The following CPSF2 variants were observed in gnomAD, a reference collection of about 807,000 sequenced individuals.
The protein encoded by CPSF2 is cleavage and polyadenylation specificity factor subunit 2.
CPSF2 carries 51 observed loss-of-function variants against 84.2 expected under a neutral mutation model. The ratio of observed to expected loss-of-function variants is 0.61; its 90% CI spans 0.48 to 0.77. The LOEUF is 0.77. CPSF2 is among the 30% of genes least tolerant of loss of function. CPSF2 has a pLI of 0.00. For synonymous variants in CPSF2, 286 were observed against 311.9 expected (o/e 0.92, Z 0.87); for missense variants, 641 against 929.4 (o/e 0.69, Z 4.03).
chr14:92,137,642 C>G (rs1465865792), intron 6 of CPSF2, among the ~76,000 whole-genome samples: 1 of 152,170 alleles, frequency 6.6e-6, no homozygotes, highest in Non-Finnish European at 1.5e-5. Flanking sequence ...ACAGTAAATA[C>G]ATTTTTAGGA....
chr14:92,126,242 T>A (rs760488888), intron 2 of CPSF2, 62 bp downstream of exon 2: 1 of 152,238 alleles, frequency 6.6e-6, no homozygotes, highest in Non-Finnish European at 1.5e-5. Flanking sequence ...TGAAAATATC[T>A]TTTCATCTGT....
rs375915984 is a variant in CPSF2 at position 92,161,775 on chromosome 14, C to T, written c.*31C>T. ...ATGATGTCAAGAAGTATCTGCTTGA[C>T]CTTTCTAAGAAAAAGGGATTCTTAT... On this transcript the variant is annotated 3_prime_UTR_variant, in exon 16 of 16. Transcript: ENST00000298875. 31 of 1,260,684 alleles carry T rather than the reference C, an allele frequency of 2.5e-5. No individual in the cohort carries two copies. Among genetic ancestry groups the T allele is most frequent in the Non-Finnish European group, 3.4e-5 (31 of 904,656 alleles). 78.1% of individuals were successfully genotyped at this position (1,260,684 alleles called of 1,614,324 possible).
At chr14:92,148,826 TG>T (rs2069175981) in intron 9 of CPSF2, among the ~76,000 whole-genome samples, 1 of 150,864 alleles carries the variant, frequency 6.6e-6, no homozygotes, top group Non-Finnish European at 1.5e-5. Flanking sequence ...GAGAGAGAGA[TG>T]GGACCAAATT....
At chr14:92,151,271 G>A (rs1010533265) in intron 9 of CPSF2, among the ~76,000 whole-genome samples, 2 of 151,978 alleles carry the variant, frequency 1.3e-5, no homozygotes, top group African/African-American at 2.4e-5. Flanking sequence ...CACATCTGTG[G>A]TCGCAGCTAT....
chr14:92,170,727 G>T lies in CPSF2; in HGVS notation c.*8983G>T, dbSNP rs527870191. On this transcript the variant is annotated 3_prime_UTR_variant, in exon 16 of 16. Coordinates refer to ENST00000298875, the MANE Select transcript of CPSF2 (RefSeq NM_017437.3). ...TTGGGTTTGTCTGATATTTCCTCAAGATTAGATTCAGGTTGTGAATTTTTG... is the reference window on the plus strand; with the variant it reads ...TTGGGTTTGTCTGATATTTCCTCAATATTAGATTCAGGTTGTGAATTTTTG... 6.6e-6 allele frequency: 1 copy of T among 152,176 alleles called. No homozygotes were observed. Among genetic ancestry groups the T allele is most frequent in the South Asian group, 2.1e-4 (1 of 4,826 alleles). The allele number at this position is 152,176 out of a possible 1,614,324, so 9.4% of individuals were successfully genotyped here.
chr14:92,156,425 T>C, intron 11 of CPSF2, 54 bp from the exon 12 acceptor site: 2 of 1,469,970 alleles, frequency 1.4e-6, no homozygotes, highest in South Asian at 2.5e-5. Context: ...GTCATATATG[T>C]TATGTAGTAT....
At chr14:92,153,865 GCTTTT>G (rs2069253362) in intron 9 of CPSF2, among the ~76,000 whole-genome samples, 1 of 142,714 alleles carries the variant, frequency 7.0e-6, no homozygotes, top group Non-Finnish European at 1.5e-5. Flanking sequence ...ACCACTCCTG[GCTTTT>G]TTTTTTTTTT....
intron 9 of CPSF2, among the ~76,000 whole-genome samples, chr14:92,148,589 A>G (rs2069172037): frequency 1.3e-5 from 2 of 151,636 alleles, no homozygotes; most frequent in African/African-American, 4.8e-5. Context: ...TTTTTGAAGC[A>G]TATATATTCT....
At chr14:92,151,731 G>T (rs531172519) in intron 9 of CPSF2, among the ~76,000 whole-genome samples, 1 of 152,074 alleles carries the variant, frequency 6.6e-6, no homozygotes, top group African/African-American at 2.4e-5. Context: ...AAAGAGATTT[G>T]CAAAAATATA....
intron 9 of CPSF2, among the ~76,000 whole-genome samples, chr14:92,147,121 G>A (rs2069153929): frequency 6.6e-6 from 1 of 152,098 alleles, no homozygotes; most frequent in African/African-American, 2.4e-5. Context: ...ATGAGAAAAA[G>A]GCCCTTGTTT....
intron 9 of CPSF2, among the ~76,000 whole-genome samples, chr14:92,146,980 G>A (rs570958645): frequency 6.6e-6 from 1 of 152,098 alleles, no homozygotes; most frequent in East Asian, 2.0e-4. Context: ...TTTGACTACA[G>A]ATTTAAAATA....
chr14:92,131,154 C>T (rs757138374), intron 3 of CPSF2, 21 bp downstream of exon 3: 1 of 1,568,126 alleles, frequency 6.4e-7, no homozygotes, highest in South Asian at 1.2e-5. Flanking sequence ...TTTCATAATT[C>T]TATGTTTTTA....
chr14:92,165,844 G>A lies in CPSF2; in HGVS notation c.*4100G>A, dbSNP rs2069437595. ...TTTTTCCCTTCAGTTCTTTGTGCTTGGTTTTATATCTTTTTTTTTTTTTTT... is the reference window on the plus strand; with the variant it reads ...TTTTTCCCTTCAGTTCTTTGTGCTTAGTTTTATATCTTTTTTTTTTTTTTT... On this transcript the variant is annotated 3_prime_UTR_variant, in exon 16 of 16. Coordinates refer to ENST00000298875, the MANE Select transcript of CPSF2 (RefSeq NM_017437.3). The A allele has an allele frequency of 2.0e-5, 2 of 101,614 alleles. No individual in the cohort carries two copies. Among genetic ancestry groups the A allele is most frequent in the African/African-American group, 4.1e-5 (1 of 24,354 alleles). 6.3% of individuals were successfully genotyped at this position (101,614 alleles called of 1,614,324 possible).
At chr14:92,126,639 T>C (rs570545551) in intron 2 of CPSF2, among the ~76,000 whole-genome samples, 443 of 152,108 alleles carry the variant, frequency 2.9e-3, no homozygotes, top group Non-Finnish European at 3.3e-3. Flanking sequence ...AGTGAAACCC[T>C]GTCTCTACAA....
At chr14:92,133,036 G>C (rs2068953270) in intron 3 of CPSF2, among the ~76,000 whole-genome samples, 1 of 151,906 alleles carries the variant, frequency 6.6e-6, no homozygotes, top group Non-Finnish European at 1.5e-5. Context: ...GTCGCAGTGA[G>C]CCGAGGTTGC....
intron 6 of CPSF2, among the ~76,000 whole-genome samples, chr14:92,135,864 T>A (rs1338247344): frequency 6.6e-6 from 1 of 152,192 alleles, no homozygotes; most frequent in Non-Finnish European, 1.5e-5. Flanking sequence ...TGGCTCTGTG[T>A]CCCCACCCAA....
At chr14:92,152,542 G>A (rs1485097465) in intron 9 of CPSF2, among the ~76,000 whole-genome samples, 2 of 151,942 alleles carry the variant, frequency 1.3e-5, no homozygotes, top group Admixed American at 6.6e-5. Flanking sequence ...AGGTTCCAGC[G>A]ATTCTCCTGC....
Position 92,141,039 on chromosome 14 carries a change from T to A in CPSF2, c.662-1125T>A, listed in dbSNP as rs940286836. Among the ~76,000 whole-genome samples, 77 of 152,170 alleles carry A rather than the reference T, an allele frequency of 5.1e-4. 1 individual carries two copies. Among genetic ancestry groups the A allele is most frequent in the Non-Finnish European group, 2.2e-4 (15 of 68,026 alleles). ...TAGAGGAAGGAAATCCATAAAGATA[T>A]ACTTGTTGGAAGGGAATATGATCTA... On this transcript the variant is annotated intron_variant, in intron 7 of 15. Coordinates refer to ENST00000298875, the MANE Select transcript of CPSF2 (RefSeq NM_017437.3).
intron 2 of CPSF2, 63 bp from the exon 3 acceptor site, chr14:92,130,888 T>G (rs986307372): frequency 5.1e-5 from 50 of 973,712 alleles, no homozygotes; most frequent in Non-Finnish European, 6.7e-5. Flanking sequence ...TTTAATCAAT[T>G]TGTTTATTAT....
Sources: allele counts gnomAD v4.1 joint callset (sites outside exome capture counted in the v4.1 genomes callset), GRCh38; gene constraint gnomAD v4.1.1; transcripts MANE v1.5; gene names NCBI Gene and HGNC (gene_info 2026-07-23, HGNC 2026-07-21).